The following SORCS2 variants were observed in gnomAD, a reference collection of about 807,000 sequenced individuals.
SORCS2 encodes the protein sortilin related VPS10 domain containing receptor 2.
A neutral mutation model predicts 141.6 loss-of-function variants in SORCS2; 100 were observed. That is an observed-to-expected ratio of 0.71 (90% CI 0.60 to 0.83). The LOEUF (loss-of-function observed/expected upper bound fraction) is 0.83. Among genes scored for constraint, SORCS2 ranks in the 40% least tolerant of loss-of-function variants. The pLI, the probability that SORCS2 is intolerant of heterozygous loss-of-function variation, is 0.00. For synonymous variants in SORCS2, 789 were observed against 676.9 expected (o/e 1.17, Z -2.57); for missense variants, 1,646 against 1,560.2 (o/e 1.05, Z -0.93).
At chr4:7,374,246 A>G (rs1401097372) in intron 1 of SORCS2, among the ~76,000 whole-genome samples, 4 of 151,260 alleles carry the variant, frequency 2.6e-5, no homozygotes, top group Non-Finnish European at 5.9e-5. Context: ...GGGAACCACT[A>G]TAATGACTAA....
intron 1 of SORCS2, among the ~76,000 whole-genome samples, chr4:7,317,186 G>A (rs1577391614): frequency 6.6e-6 from 1 of 152,124 alleles, no homozygotes; most frequent in Non-Finnish European, 1.5e-5. Flanking sequence ...TGAAGGATGG[G>A]AACCCTACAG....
intron 2 of SORCS2, among the ~76,000 whole-genome samples, chr4:7,409,530 C>G (rs1223747894): frequency 6.6e-6 from 1 of 152,210 alleles, no homozygotes; most frequent in Admixed American, 6.5e-5. Flanking sequence ...GGATATTTCT[C>G]CCTTCAGCAC....
intron 18 of SORCS2, among the ~76,000 whole-genome samples, chr4:7,722,477 C>T (rs1353137541): frequency 1.3e-5 from 2 of 152,196 alleles, no homozygotes; most frequent in African/African-American, 4.8e-5. Flanking sequence ...CCACACAAGT[C>T]TCCGAAGGAG....
rs1048943655 is a variant in SORCS2 at position 7,336,702 on chromosome 4, C to T, written c.481-59586C>T. Among the ~76,000 whole-genome samples the T allele has an allele frequency of 1.0e-4, 15 of 145,400 alleles. 3 individuals carry two copies. The highest frequency in any genetic ancestry group is 9.6e-4 in the Admixed American group (14 of 14,654). On this transcript the variant is annotated intron_variant, in intron 1 of 26. Transcript: ENST00000507866. ...TGGGGTTTCTAGGGTCCCAGGACCT[C>T]CTGTTCGCATCTTGGTGGAAGCGCC...
intron 1 of SORCS2, among the ~76,000 whole-genome samples, chr4:7,363,098 C>CGCTT (rs1721687386): frequency 6.7e-6 from 1 of 149,682 alleles, no homozygotes; most frequent in Non-Finnish European, 1.5e-5. Flanking sequence ...TCACCATCAC[C>CGCTT]ACTACCATCA....
At chr4:7,399,764 C>G (rs6854113) in intron 2 of SORCS2, among the ~76,000 whole-genome samples, 22,370 of 152,060 alleles carry the variant, frequency 0.15, 1,790 homozygotes, top group Non-Finnish European at 0.18. Context: ...CGGGGTCTCA[C>G]CAGAGGCACA....
intron 1 of SORCS2, among the ~76,000 whole-genome samples, chr4:7,368,024 A>T (rs1048376843): frequency 6.6e-6 from 1 of 152,164 alleles, no homozygotes; most frequent in African/African-American, 2.4e-5. Context: ...GACTTAGGGG[A>T]TTGGAGCACT....
At chr4:7,532,815 TTTG>T (rs1237653216) in intron 3 of SORCS2, among the ~76,000 whole-genome samples, 1 of 151,834 alleles carries the variant, frequency 6.6e-6, no homozygotes, top group Non-Finnish European at 1.5e-5. Context: ...CTGTTTTTGT[TTTG>T]TTTTGTTTCG....
intron 2 of SORCS2, among the ~76,000 whole-genome samples, chr4:7,437,258 G>T (rs576810505): frequency 1.3e-5 from 2 of 152,262 alleles, no homozygotes; most frequent in Non-Finnish European, 2.9e-5. Context: ...CTCTAGGGTG[G>T]CTCATAGGAC....
chr4:7,376,894 C>T (rs1475070985), intron 1 of SORCS2, among the ~76,000 whole-genome samples: 1 of 152,104 alleles, frequency 6.6e-6, no homozygotes, highest in African/African-American at 2.4e-5. Context: ...TCATTCCTGA[C>T]CCCCACCCCC....
chr4:7,691,681 G>A (rs578052334), intron 11 of SORCS2, among the ~76,000 whole-genome samples: 3 of 152,066 alleles, frequency 2.0e-5, no homozygotes, highest in South Asian at 2.1e-4. Flanking sequence ...CAGCTTCCAC[G>A]CACAGACAGG....
intron 1 of SORCS2, among the ~76,000 whole-genome samples, chr4:7,267,890 G>A (rs1714856475): frequency 1.3e-5 from 2 of 152,382 alleles, no homozygotes; most frequent in East Asian, 3.9e-4. Flanking sequence ...ACCCGTCAGT[G>A]AGTGATGAGA....
intron 14 of SORCS2, among the ~76,000 whole-genome samples, chr4:7,709,450 C>T (rs940743625): frequency 2.0e-5 from 3 of 152,172 alleles, no homozygotes; most frequent in African/African-American, 7.2e-5. Context: ...GGATAATGGC[C>T]GAATTCACAG....
chr4:7,508,526 C>T (rs1053220007), intron 2 of SORCS2, among the ~76,000 whole-genome samples: 22 of 152,084 alleles, frequency 1.4e-4, no homozygotes, highest in African/African-American at 4.3e-4. Context: ...TTAGTAGAGA[C>T]GGGGTTTCAC....
chr4:7,681,859 G>A (rs932688034), intron 9 of SORCS2, among the ~76,000 whole-genome samples: 1 of 152,234 alleles, frequency 6.6e-6, no homozygotes, highest in Non-Finnish European at 1.5e-5. Flanking sequence ...CCCCCTCTGA[G>A]CCTCAGTTTC....
At chr4:7,394,506 G>A (rs550526405) in intron 1 of SORCS2, among the ~76,000 whole-genome samples, 5 of 149,458 alleles carry the variant, frequency 3.3e-5, no homozygotes, top group East Asian at 2.0e-4. Context: ...GGAATTCACC[G>A]AGGAAATAGG....
chr4:7,655,037 G>C (rs2108901238), intron 5 of SORCS2, among the ~76,000 whole-genome samples: 1 of 152,312 alleles, frequency 6.6e-6, no homozygotes, highest in African/African-American at 2.4e-5. Context: ...GGCTTGCCCA[G>C]GGTCTTAGGC....
chr4:7,680,615 T>C (rs1723465135), intron 9 of SORCS2, among the ~76,000 whole-genome samples: 1 of 152,234 alleles, frequency 6.6e-6, no homozygotes, highest in African/African-American at 2.4e-5. Flanking sequence ...GACCACAGCA[T>C]CCTATGCAGA....
rs1162872990 is a variant in SORCS2, at chr4:7,434,268, C to T, written c.548+37913C>T. On this transcript the variant is annotated intron_variant, in intron 2 of 26. Transcript: ENST00000507866. ...ACTGCTCCTGGATGTTCAAGTCGGC[C>T]AAGGTCAAGTTGGACCGGACAGCCT... 2.5e-6 allele frequency: 4 copies of T among 1,613,288 alleles called. No homozygotes were observed. In the South Asian group the frequency reaches 4.4e-5, roughly 18 times the overall value.
Sources: gnomAD v4.1 joint callset for allele counts (sites outside exome capture counted in the v4.1 genomes callset) on GRCh38, gnomAD v4.1.1 for gene constraint, MANE v1.5 for transcripts, NCBI Gene and HGNC (gene_info 2026-07-23, HGNC 2026-07-21) for gene names.